The following PLCH1 variants were observed in gnomAD, a reference collection of about 807,000 sequenced individuals.
PLCH1 encodes the protein 1-phosphatidylinositol 4,5-bisphosphate phosphodiesterase eta-1.
Under a neutral mutation model 126.7 loss-of-function variants are expected in PLCH1, and 60 were observed. That is an observed-to-expected ratio of 0.47 (90% CI 0.38 to 0.59). PLCH1 has a LOEUF of 0.59. PLCH1 is among the 20% of genes least tolerant of loss of function. The probability of loss-of-function intolerance (pLI) is 0.00; values close to 1 mark genes in which losing one functional copy is unlikely to be tolerated. For synonymous variants in PLCH1, 719 were observed against 734.9 expected (o/e 0.98, Z 0.35); for missense variants, 1,723 against 2,040.0 (o/e 0.84, Z 2.99).
intron 3 of PLCH1, 68 bp from the exon 4 acceptor site, chr3:155,594,252 A>G: frequency 7.1e-7 from 1 of 1,403,168 alleles, no homozygotes; most frequent in East Asian, 2.3e-5. Flanking sequence ...GCACTAAGAA[A>G]CAAGAAAAGC....
At chr3:155,465,981 G>A (rs35259851) in intron 21 of PLCH1, among the ~76,000 whole-genome samples, 41,034 of 152,052 alleles carry the variant, frequency 0.27, 6,023 homozygotes, top group East Asian at 0.42. Flanking sequence ...ACAGAACACC[G>A]GATAGATTTC....
Position 155,482,601 on chromosome 3 carries a change from G to A in PLCH1, c.3425C>T (p.Ser1142Phe), listed in dbSNP as rs764526625. Reference protein sequence around the residue: ...GNRGKGRAATSFSLSDVSMLC... With the variant: ...GNRGKGRAATFFSLSDVSMLC... ...CATGGAGACGTCTGACAAAGAAAAG[G>A]ATGTTGCAGCTCGGCCCTTACCCCT... Residue 1142 changes from serine to phenylalanine, a missense_variant, in exon 23 of 23, where the codon TCC becomes TTC. By Grantham distance (155) the Ser-to-Phe change is radical. Coordinates refer to ENST00000460012, the MANE Select transcript of PLCH1 (RefSeq NM_014996.4). 3.1e-6 allele frequency: 5 copies of A among 1,614,058 alleles called. No homozygotes were observed. The highest frequency in any genetic ancestry group is 8.5e-7 in the Non-Finnish European group (1 of 1,180,032).
intron 2 of PLCH1, among the ~76,000 whole-genome samples, chr3:155,655,396 A>G (rs1487009235): frequency 6.6e-6 from 1 of 151,468 alleles, no homozygotes; most frequent in Non-Finnish European, 1.5e-5. Flanking sequence ...TGCCCACTGC[A>G]CTCTGGCCTG....
chr3:155,465,108 CAAAAA>C (rs150847303), intron 21 of PLCH1, among the ~76,000 whole-genome samples: 1 of 65,786 alleles, frequency 1.5e-5, no homozygotes. Flanking sequence ...GACTCTGTCT[CAAAAA>C]AAAAAAAAAA....
chr3:155,496,964 G>A (rs1054168568), intron 15 of PLCH1, among the ~76,000 whole-genome samples: 4 of 152,154 alleles, frequency 2.6e-5, no homozygotes, highest in Non-Finnish European at 4.4e-5. Flanking sequence ...TTGGTCATTC[G>A]CATTTGGAAT....
chr3:155,481,381 T>C lies in PLCH1; in HGVS notation c.4645A>G (p.Asn1549Asp), dbSNP rs1214840114. 6.2e-7 allele frequency: 1 copy of C among 1,614,238 alleles called. No homozygotes were observed. ...RKLVSFDQED[N>D]CQVLYSKQDA... is the part of the protein sequence containing the mutation. ...TGCTTTGAATATAGCACTTGGCAGT[T>C]GTCTTCCTGGTCAAAGGACACAAGC... Residue 1549 changes from asparagine (N) to aspartate (D), a missense_variant, in exon 23 of 23, where the codon AAC becomes GAC. Asn to Asp is a conservative substitution (Grantham distance 23, BLOSUM62 1). Around this residue, in one of 2 missense-constraint regions of PLCH1, gnomAD observed 947 missense variants for 977.1 expected, o/e 0.97. Coordinates refer to ENST00000460012, the MANE Select transcript of PLCH1 (RefSeq NM_014996.4). This position sits in a 1 kb window ranked among gnomAD's most constrained non-coding sequence, Gnocchi z 4.2.
chr3:155,649,949 G>A (rs1740517321), intron 2 of PLCH1, among the ~76,000 whole-genome samples: 1 of 152,090 alleles, frequency 6.6e-6, no homozygotes, highest in African/African-American at 2.4e-5. Flanking sequence ...CTGCACTCCA[G>A]CCTGGGCGAC....
At position 155,728,241 on chromosome 3, in the gene PLCH1, A is replaced by G. The variant is rs1748490568; in HGVS notation, c.-41+16599T>C. ...GCTAAGAAGAGAGCTGACCCCTGGTAATTCATATTCAGAGCCACAGATCCA... is the reference window on the plus strand; with the variant it reads ...GCTAAGAAGAGAGCTGACCCCTGGTGATTCATATTCAGAGCCACAGATCCA... On this transcript the variant is annotated intron_variant, in intron 1 of 22. Coordinates refer to ENST00000460012, the MANE Select transcript of PLCH1 (RefSeq NM_014996.4). Among the ~76,000 whole-genome samples the G allele has an allele frequency of 2.6e-5, 4 of 152,172 alleles. No individual in the cohort carries two copies. In the South Asian group the frequency reaches 8.3e-4, roughly 32 times the overall value.
chr3:155,664,973 A>G, intron 2 of PLCH1, among the ~76,000 whole-genome samples: 1 of 152,146 alleles, frequency 6.6e-6, no homozygotes, highest in Non-Finnish European at 1.5e-5. Flanking sequence ...GTGCACACAG[A>G]CCGACTGCAT....
intron 2 of PLCH1, among the ~76,000 whole-genome samples, chr3:155,625,535 A>C (rs1161993002): frequency 6.6e-6 from 1 of 152,202 alleles, no homozygotes; most frequent in Non-Finnish European, 1.5e-5. Context: ...AATTTACAAG[A>C]AAAAAACAAC....
chr3:155,646,287 A>C (rs1043034004), intron 2 of PLCH1, among the ~76,000 whole-genome samples: 1 of 152,164 alleles, frequency 6.6e-6, no homozygotes, highest in East Asian at 1.9e-4. Context: ...TGACATCACC[A>C]ACCACCCACT....
chr3:155,706,380 G>T (rs1328874830), intron 1 of PLCH1, among the ~76,000 whole-genome samples: 1 of 151,782 alleles, frequency 6.6e-6, no homozygotes, highest in Non-Finnish European at 1.5e-5. Context: ...CCAGCACTTT[G>T]GGAGGCCGAG....
At chr3:155,457,060 T>C (rs1407719162) in intron 21 of PLCH1, 1 of 152,464 alleles carries the variant, frequency 6.6e-6, no homozygotes, top group Admixed American at 6.5e-5. Context: ...AACACGGCTG[T>C]TGCTCTGCCA....
intron 2 of PLCH1, among the ~76,000 whole-genome samples, chr3:155,680,444 T>C (rs889624562): frequency 1.3e-5 from 2 of 152,036 alleles, no homozygotes; most frequent in Non-Finnish European, 2.9e-5. Flanking sequence ...ACAGTTTTCA[T>C]CACAAAATGG....
At chr3:155,543,590 A>G (rs1724729536) in intron 10 of PLCH1, among the ~76,000 whole-genome samples, 1 of 152,220 alleles carries the variant, frequency 6.6e-6, no homozygotes. Flanking sequence ...TAATTGTCAG[A>G]TTCACCAAAG....
chr3:155,514,637 A>G, intron 12 of PLCH1, 86 bp downstream of exon 12: 1 of 837,766 alleles, frequency 1.2e-6, no homozygotes, highest in Non-Finnish European at 1.7e-6. Flanking sequence ...AAGAAGTTGG[A>G]GGAGCATTTC....
intron 10 of PLCH1, among the ~76,000 whole-genome samples, chr3:155,541,103 C>A (rs1425088589): frequency 2.0e-5 from 3 of 152,132 alleles, no homozygotes; most frequent in Non-Finnish European, 4.4e-5. Context: ...CTAGATGGAA[C>A]TGGAGACCAT....
intron 22 of PLCH1, chr3:155,483,443 G>A (rs953190235): frequency 3.0e-5 from 33 of 1,083,284 alleles, no homozygotes; most frequent in Non-Finnish European, 4.1e-5. Flanking sequence ...TGTGGTACCT[G>A]TAAGCAAGAT....
chr3:155,458,179 C>G (rs1246571482), intron 21 of PLCH1, among the ~76,000 whole-genome samples: 1 of 151,278 alleles, frequency 6.6e-6, no homozygotes, highest in South Asian at 2.1e-4. Context: ...CCATCTCTAC[C>G]AAAAATACAA....
Sources: allele counts gnomAD v4.1 joint callset (sites outside exome capture counted in the v4.1 genomes callset), GRCh38; gene constraint gnomAD v4.1.1; regional missense constraint gnomAD v4.1.1; non-coding constraint Gnocchi (gnomAD v3.1); transcripts MANE v1.5; gene names NCBI Gene and HGNC (gene_info 2026-07-23, HGNC 2026-07-21).